HMG20A: variants seen among roughly 807,000 people sequenced by gnomAD.
HMG20A encodes high mobility group 20A.
Under a neutral mutation model 43.9 loss-of-function variants are expected in HMG20A, and 17 were observed. The ratio of observed to expected loss-of-function variants is 0.39; its 90% CI spans 0.27 to 0.58. HMG20A has a LOEUF of 0.58. Ranked by LOEUF, HMG20A falls within the 20% of genes least tolerant of loss-of-function variation. HMG20A has a pLI of 0.59. For synonymous variants in HMG20A, 132 were observed against 147.5 expected (o/e 0.89, Z 0.76); for missense variants, 341 against 438.2 (o/e 0.78, Z 1.98).
chr15:77,513,647 G>C, the HMG20A span, among the ~76,000 whole-genome samples: 1 of 151,884 alleles, frequency 6.6e-6, no homozygotes, highest in Admixed American at 6.6e-5. Flanking sequence ...TGGCCCACTT[G>C]GTGTCTCTTT....
At chr15:77,468,572 TTCTCTCTCTC>T (rs34591065) in intron 4 of HMG20A, among the ~76,000 whole-genome samples, 1 of 141,880 alleles carries the variant, frequency 7.0e-6, no homozygotes, top group Non-Finnish European at 1.5e-5. Flanking sequence ...TGCTCAGTCT[TTCTCTCTCTC>T]TCTCTCTCTC....
intron 4 of HMG20A, among the ~76,000 whole-genome samples, chr15:77,469,655 ATTTGTTTG>A (rs71447155): frequency 7.8e-4 from 118 of 151,456 alleles, no homozygotes; most frequent in African/African-American, 2.4e-3. Flanking sequence ...CCATTTATTT[ATTTGTTTG>A]TTTGTTTGTT....
rs1324693432 is a variant in HMG20A, at chr15:77,485,239, G to A, written c.*2276G>A. The A allele has an allele frequency of 6.6e-6, 1 of 152,630 alleles. No individual in the cohort carries two copies. The allele number at this position is 152,630 out of a possible 1,614,324, so 9.5% of individuals were successfully genotyped here. A position where few individuals can be genotyped will look rare whatever the true frequency, so the allele number is the denominator to read the frequency against. On this transcript the variant is annotated 3_prime_UTR_variant, in exon 10 of 10. Coordinates refer to ENST00000336216, the MANE Select transcript of HMG20A (RefSeq NM_001304504.2). ...GTCTGTGCCACCTCCTCTCTCCTCT[G>A]TGCTCAGTGAGGAGGCAGTAAATGA... is the stretch of plus-strand genomic sequence containing the variant.
At chr15:77,460,240 G>A (rs1425737121) in intron 2 of HMG20A, among the ~76,000 whole-genome samples, 1 of 152,170 alleles carries the variant, frequency 6.6e-6, no homozygotes, top group African/African-American at 2.4e-5. Flanking sequence ...ATGGGAATGA[G>A]GGGTAGTGAG....
the HMG20A span, among the ~76,000 whole-genome samples, chr15:77,495,212 A>G: frequency 6.6e-6 from 1 of 152,216 alleles, no homozygotes; most frequent in African/African-American, 2.4e-5. Context: ...ACATGCAAGG[A>G]GCAAGCAGCT....
chr15:77,519,481 G>A, the HMG20A span, among the ~76,000 whole-genome samples: 1 of 152,204 alleles, frequency 6.6e-6, no homozygotes, highest in Non-Finnish European at 1.5e-5. Context: ...AGTATTAAGA[G>A]GTGGGGCCTT....
chr15:77,473,928 C>T (rs2072832254), intron 6 of HMG20A, among the ~76,000 whole-genome samples: 2 of 152,256 alleles, frequency 1.3e-5, no homozygotes, highest in Non-Finnish European at 2.9e-5. Context: ...AATTAATGTC[C>T]CTTACTTCAT....
intron 7 of HMG20A, 63 bp downstream of exon 7, chr15:77,477,693 G>A: frequency 9.1e-7 from 1 of 1,095,852 alleles, no homozygotes. Context: ...GTTCTCAGAA[G>A]AAATTCATTG....
rs149632496 is a variant in HMG20A, at chr15:77,447,905, A to G, written c.-4-10499A>G. 5 of 152,288 alleles carry G rather than the reference A, an allele frequency of 3.3e-5. No homozygotes were observed. The East Asian group carries it at 9.6e-4, about 29-fold the overall frequency. The allele number at this position is 152,288 out of a possible 1,614,324, so 9.4% of individuals were successfully genotyped here. A position where few individuals can be genotyped will look rare whatever the true frequency, so the allele number is the denominator to read the frequency against. On this transcript the variant is annotated intron_variant, in intron 1 of 9. Transcript: ENST00000336216. ...TCTTTTGTGGCCAAAAAACCCCGCT[A>G]TATTTAGCTTCAAAAAATTTGCAAA... is the stretch of plus-strand genomic sequence containing the variant.
chr15:77,463,871 T>G (rs1243796253), intron 2 of HMG20A, among the ~76,000 whole-genome samples: 1 of 152,246 alleles, frequency 6.6e-6, no homozygotes, highest in Non-Finnish European at 1.5e-5. Context: ...TATTCACTTT[T>G]TTCATTAATA....
At chr15:77,461,410 G>A (rs559962096) in intron 2 of HMG20A, among the ~76,000 whole-genome samples, 21 of 152,226 alleles carry the variant, frequency 1.4e-4, no homozygotes, top group African/African-American at 4.3e-4. Context: ...AATATCATAC[G>A]TATATGCTGA....
At chr15:77,447,981 C>G (rs1229920393) in intron 1 of HMG20A, among the ~76,000 whole-genome samples, 1 of 152,214 alleles carries the variant, frequency 6.6e-6, no homozygotes, top group Non-Finnish European at 1.5e-5. Context: ...GATTACAAGA[C>G]TACAGTTAAA....
intron 1 of HMG20A, among the ~76,000 whole-genome samples, chr15:77,440,835 A>G (rs529935491): frequency 6.6e-6 from 1 of 152,310 alleles, no homozygotes; most frequent in Non-Finnish European, 1.5e-5. Flanking sequence ...ATTTTTGAAT[A>G]GCCATAGTGA....
chr15:77,480,719 CTTTT>C (rs138884448), intron 9 of HMG20A, among the ~76,000 whole-genome samples: 2 of 129,066 alleles, frequency 1.5e-5, no homozygotes. Flanking sequence ...AGTATGTATC[CTTTT>C]TTTTTTTTTT....
In HMG20A at chr15:77,464,249, C is replaced by T. The variant is rs147484814; in HGVS notation, c.99C>T (p.His33=). 2.5e-3 allele frequency: 3,954 copies of T among 1,613,580 alleles called. 8 individuals are homozygous for T. The highest frequency in any genetic ancestry group is 3.2e-3 in the Non-Finnish European group (3,720 of 1,179,652). The change falls in exon 3 of 10, where the codon CAC becomes CAT. Residue 33 remains histidine, a synonymous_variant. Transcript: ENST00000336216. ...SNDLATTGLN[H]PEVPYSSGAT... is the part of the protein sequence containing the mutation. ...TCTGCCTATTATTCAGGTTAAATCA[C>T]CCAGAGGTTCCATACAGTAGTGGCG...
intron 1 of HMG20A, among the ~76,000 whole-genome samples, chr15:77,439,737 A>G (rs2073591058): frequency 6.6e-6 from 1 of 152,116 alleles, no homozygotes; most frequent in Non-Finnish European, 1.5e-5. Flanking sequence ...TCATTTCTCT[A>G]TGATATATTA....
chr15:77,456,949 G>A (rs1174340149), intron 1 of HMG20A, among the ~76,000 whole-genome samples: 4 of 152,210 alleles, frequency 2.6e-5, no homozygotes, highest in Non-Finnish European at 4.4e-5. Flanking sequence ...TGAAGGAACT[G>A]AAAAGAGGTT....
chr15:77,496,387 C>T, the HMG20A span, among the ~76,000 whole-genome samples: 1 of 152,222 alleles, frequency 6.6e-6, no homozygotes, highest in Non-Finnish European at 1.5e-5. Flanking sequence ...GTCTAGGAAG[C>T]AGCCTCAGAA....
At chr15:77,444,885 T>TA (rs1427243532) in intron 1 of HMG20A, among the ~76,000 whole-genome samples, 9 of 152,234 alleles carry the variant, frequency 5.9e-5, no homozygotes, top group African/African-American at 2.2e-4. Flanking sequence ...AATTTCATCT[T>TA]ACTGTTCAGA....
Sources: gnomAD v4.1 joint callset for allele counts (sites outside exome capture counted in the v4.1 genomes callset) on GRCh38, gnomAD v4.1.1 for gene constraint, MANE v1.5 for transcripts, NCBI Gene and HGNC (gene_info 2026-07-23, HGNC 2026-07-21) for gene names.